Variants in MAST4 observed in about 807,000 individuals in gnomAD.
MAST4 encodes microtubule-associated serine/threonine-protein kinase 4.
MAST4 carries 89 observed loss-of-function variants against 162.7 expected under a neutral mutation model. The ratio of observed to expected loss-of-function variants is 0.55; its 90% CI spans 0.46 to 0.65. The LOEUF (loss-of-function observed/expected upper bound fraction) is 0.65. Among genes scored for constraint, MAST4 ranks in the 30% least tolerant of loss-of-function variants. The probability of loss-of-function intolerance (pLI) is 0.00; values close to 1 mark genes in which losing one functional copy is unlikely to be tolerated. For missense variants in MAST4, 3,153 were observed against 3,374.0 expected (o/e 0.93, Z 1.62); for synonymous variants, 1,479 against 1,361.1 (o/e 1.09, Z -1.91).
At chr5:66,624,156 T>TTTTG (rs1744266780) in intron 1 of MAST4, among the ~76,000 whole-genome samples, 1 of 137,634 alleles carries the variant, frequency 7.3e-6, no homozygotes, top group South Asian at 2.5e-4. Flanking sequence ...GTTTTTTTTT[T>TTTTG]TTTTTTTTTT....
In MAST4 at chr5:66,977,787, T is replaced by C. The variant is rs568888966; in HGVS notation, c.675-76617T>C. 1.5e-3 allele frequency among the ~76,000 whole-genome samples: 232 copies of C among 152,350 alleles called. 1 individual carries two copies. The highest frequency in any genetic ancestry group is 5.4e-3 in the African/African-American group (224 of 41,586). Reference sequence around the variant, plus strand: ...CTGTTAGTTTTTTGTGAAAACAGAATCGAAAGGCTTTGGCATAAAATGTAG... The same window carrying C: ...CTGTTAGTTTTTTGTGAAAACAGAACCGAAAGGCTTTGGCATAAAATGTAG... On this transcript the variant is annotated intron_variant, in intron 4 of 28. Coordinates refer to ENST00000403625, the MANE Select transcript of MAST4 (RefSeq NM_001164664.2).
chr5:66,915,435 A>G (rs1263347091), intron 4 of MAST4, among the ~76,000 whole-genome samples: 1 of 152,194 alleles, frequency 6.6e-6, no homozygotes, highest in Non-Finnish European at 1.5e-5. Context: ...GGATGTTTTC[A>G]GAAGATTTCT....
chr5:67,082,481 T>C (rs969775511), intron 5 of MAST4, among the ~76,000 whole-genome samples: 2 of 152,112 alleles, frequency 1.3e-5, no homozygotes, highest in African/African-American at 4.8e-5. Context: ...GAGGTACAAC[T>C]GAGGAACTGT....
At chr5:66,779,078 T>G (rs1754731617) in intron 2 of MAST4, among the ~76,000 whole-genome samples, 1 of 152,242 alleles carries the variant, frequency 6.6e-6, no homozygotes, top group Admixed American at 6.5e-5. Flanking sequence ...CAATGTTGTG[T>G]TGGCATTCTA....
chr5:66,891,122 A>C (rs187323235), intron 3 of MAST4, among the ~76,000 whole-genome samples: 1 of 152,318 alleles, frequency 6.6e-6, no homozygotes, highest in East Asian at 1.9e-4. Context: ...GTGTAACTTA[A>C]ATCGTTTGCC....
At chr5:66,953,821 A>T (rs1744979356) in intron 4 of MAST4, among the ~76,000 whole-genome samples, 1 of 152,144 alleles carries the variant, frequency 6.6e-6, no homozygotes, top group African/African-American at 2.4e-5. Context: ...GTTGTGGGGC[A>T]ATATCTGTGT....
At chr5:67,154,598 A>C (rs1361964342) in intron 26 of MAST4, among the ~76,000 whole-genome samples, 1 of 152,178 alleles carries the variant, frequency 6.6e-6, no homozygotes, top group Non-Finnish European at 1.5e-5. Context: ...TCTTGCCCTC[A>C]TCTGGCTACG....
At chr5:66,771,038 C>T (rs981242832) in intron 2 of MAST4, among the ~76,000 whole-genome samples, 1 of 152,142 alleles carries the variant, frequency 6.6e-6, no homozygotes, top group Non-Finnish European at 1.5e-5. Context: ...GGACCTTTGG[C>T]TCGGTGTGTT....
At chr5:66,845,242 A>T (rs1452943947) in intron 3 of MAST4, among the ~76,000 whole-genome samples, 10 of 150,916 alleles carry the variant, frequency 6.6e-5, no homozygotes, top group Admixed American at 2.0e-4. Flanking sequence ...TACATTAGGC[A>T]TTTCTCCTAA....
chr5:67,166,501 C>G lies in MAST4; in HGVS notation c.7322C>G (p.Pro2441Arg). The G allele has an allele frequency of 6.2e-7, 1 of 1,605,866 alleles. No individual in the cohort carries two copies. Among genetic ancestry groups the G allele is most frequent in the Non-Finnish European group, 8.5e-7 (1 of 1,176,322 alleles). The change falls in exon 29 of 29, where the codon CCC (proline) becomes CGC (arginine). Residue 2441 changes from proline to arginine, a missense_variant. Transcript: ENST00000403625. ...AAGCCCAATGGCATGAAACGGTCCC[C>G]CTCAGCCACTGGGCAGAGTTCTTTC... is the stretch of plus-strand genomic sequence containing the variant. Reference protein sequence around the residue: ...ADKPNGMKRSPSATGQSSFRS... With the variant: ...ADKPNGMKRSRSATGQSSFRS...
At chr5:66,957,574 C>G (rs1218120467) in intron 4 of MAST4, among the ~76,000 whole-genome samples, 1 of 152,076 alleles carries the variant, frequency 6.6e-6, no homozygotes. Context: ...TTTGTTACCT[C>G]CAAAGGATAA....
chr5:66,974,241 C>T (rs944947161), intron 4 of MAST4, among the ~76,000 whole-genome samples: 3 of 152,114 alleles, frequency 2.0e-5, no homozygotes, highest in African/African-American at 4.8e-5. Context: ...AGCATGAAAC[C>T]TACAAATTAC....
At chr5:66,908,289 G>T (rs1371989567) in intron 4 of MAST4, among the ~76,000 whole-genome samples, 1 of 152,160 alleles carries the variant, frequency 6.6e-6, no homozygotes, top group African/African-American at 2.4e-5. Flanking sequence ...ATGTAGGATT[G>T]ATCTTCTTAC....
chr5:66,637,121 C>T (rs137939012), intron 1 of MAST4, among the ~76,000 whole-genome samples: 1 of 152,064 alleles, frequency 6.6e-6, no homozygotes, highest in Non-Finnish European at 1.5e-5. Context: ...TCTAGTTTTT[C>T]CCCCCTCACT....
intron 4 of MAST4, among the ~76,000 whole-genome samples, chr5:66,952,575 C>T (rs887473509): frequency 1.3e-5 from 2 of 152,144 alleles, no homozygotes; most frequent in African/African-American, 4.8e-5. Flanking sequence ...CCAAATGATA[C>T]AATCCTTGAG....
chr5:66,724,024 G>A (rs1289001360), intron 1 of MAST4, among the ~76,000 whole-genome samples: 1 of 151,996 alleles, frequency 6.6e-6, no homozygotes, highest in Admixed American at 6.6e-5. Context: ...GGAAACAAGG[G>A]GGATATTTTA....
chr5:66,913,453 A>G (rs751809352), intron 4 of MAST4, among the ~76,000 whole-genome samples: 5 of 152,220 alleles, frequency 3.3e-5, no homozygotes, highest in South Asian at 2.1e-4. Flanking sequence ...GCATATGTCA[A>G]TCATTTATTA....
intron 3 of MAST4, among the ~76,000 whole-genome samples, chr5:66,835,115 T>A (rs1322041152): frequency 2.6e-4 from 40 of 152,228 alleles, no homozygotes; most frequent in Admixed American, 2.6e-3. Context: ...TTGGCTTTTA[T>A]TGAGTGTTGC....
chr5:66,602,894 G>A (rs745364130), intron 1 of MAST4, among the ~76,000 whole-genome samples: 1 of 152,176 alleles, frequency 6.6e-6, no homozygotes, highest in Non-Finnish European at 1.5e-5. Flanking sequence ...TTCCTCATCT[G>A]TAAAATGGGC....
Sources: gnomAD v4.1 joint callset for allele counts (sites outside exome capture counted in the v4.1 genomes callset) on GRCh38, gnomAD v4.1.1 for gene constraint, MANE v1.5 for transcripts, NCBI Gene and HGNC (gene_info 2026-07-23, HGNC 2026-07-21) for gene names.